Variants in SPTLC2 observed in about 807,000 individuals in gnomAD.
The protein encoded by SPTLC2 is serine palmitoyltransferase 2.
Under a neutral mutation model 62.0 loss-of-function variants are expected in SPTLC2, and 21 were observed. The observed-to-expected ratio is 0.34, with a 90% CI of 0.24 to 0.49. The LOEUF (loss-of-function observed/expected upper bound fraction) is 0.49. SPTLC2 is among the 20% of genes least tolerant of loss of function. The pLI is 0.99. For missense variants in SPTLC2, 511 were observed against 713.0 expected (o/e 0.72, Z 3.23); for synonymous variants, 261 against 261.8 (o/e 1.00, Z 0.03).
At chr14:77,524,289 A>C (rs764542793) in intron 9 of SPTLC2, among the ~76,000 whole-genome samples, 26 of 152,166 alleles carry the variant, frequency 1.7e-4, no homozygotes, top group Non-Finnish European at 2.6e-4. Context: ...AAAGGGGCAG[A>C]AGGGAACTTC....
intron 11 of SPTLC2, among the ~76,000 whole-genome samples, chr14:77,513,682 G>T (rs2079344457): frequency 6.6e-6 from 1 of 151,950 alleles, no homozygotes; most frequent in Non-Finnish European, 1.5e-5. Flanking sequence ...GATCACCTGA[G>T]GTCGGGAGTT....
At chr14:77,573,616 C>T (rs60778316) in intron 4 of SPTLC2, among the ~76,000 whole-genome samples, 8,586 of 152,120 alleles carry the variant, frequency 0.056, 257 homozygotes, top group Middle Eastern at 0.12. Context: ...AGAAGGAATA[C>T]AGAAGACAAT....
intron 5 of SPTLC2, among the ~76,000 whole-genome samples, chr14:77,565,550 G>A (rs1232082485): frequency 3.9e-5 from 6 of 152,206 alleles, no homozygotes; most frequent in African/African-American, 1.4e-4. Flanking sequence ...TCTCAATAAC[G>A]CACGGACTCA....
intron 1 of SPTLC2, among the ~76,000 whole-genome samples, chr14:77,600,658 TCAC>T (rs1202964269): frequency 6.6e-6 from 1 of 152,206 alleles, no homozygotes; most frequent in East Asian, 1.9e-4. Flanking sequence ...CACAGTCTGT[TCAC>T]ATTAAGCAAA....
chr14:77,514,854 T>C (rs1008737159), intron 11 of SPTLC2, among the ~76,000 whole-genome samples: 8 of 152,216 alleles, frequency 5.3e-5, no homozygotes, highest in African/African-American at 1.7e-4. Context: ...TCTGACCCTA[T>C]GATTTGCCTG....
At chr14:77,522,161 CTTTT>C (rs1463661313) in intron 9 of SPTLC2, among the ~76,000 whole-genome samples, 1 of 151,822 alleles carries the variant, frequency 6.6e-6, no homozygotes, top group Non-Finnish European at 1.5e-5. Context: ...TTCTTTTTTT[CTTTT>C]TCTTTCTTTT....
chr14:77,564,219 G>A (rs2140028051), intron 5 of SPTLC2, among the ~76,000 whole-genome samples: 1 of 133,928 alleles, frequency 7.5e-6, no homozygotes, highest in African/African-American at 2.8e-5. Context: ...GCAACAGAGG[G>A]AGACTCTGTC....
chr14:77,532,833 C>CT (rs2079448203), intron 9 of SPTLC2, among the ~76,000 whole-genome samples: 1 of 151,648 alleles, frequency 6.6e-6, no homozygotes, highest in Non-Finnish European at 1.5e-5. Flanking sequence ...AATAAAAAAT[C>CT]TGATTCTGAC....
At chr14:77,586,264 C>T (rs939772790) in intron 2 of SPTLC2, among the ~76,000 whole-genome samples, 15 of 151,960 alleles carry the variant, frequency 9.9e-5, no homozygotes, top group Non-Finnish European at 1.9e-4. Flanking sequence ...TCAGTAGAGA[C>T]GGGGTTTCAC....
At chr14:77,615,981 T>C (rs929204134) in intron 1 of SPTLC2, among the ~76,000 whole-genome samples, 1 of 152,200 alleles carries the variant, frequency 6.6e-6, no homozygotes, top group Non-Finnish European at 1.5e-5. Context: ...TGTTTCCATC[T>C]GACACCACCG....
At chr14:77,576,150 T>A (rs531205834) in intron 4 of SPTLC2, among the ~76,000 whole-genome samples, 1 of 152,340 alleles carries the variant, frequency 6.6e-6, no homozygotes, top group South Asian at 2.1e-4. Context: ...GTAATAAGTA[T>A]TTGGAAAGTT....
intron 6 of SPTLC2, among the ~76,000 whole-genome samples, chr14:77,558,692 G>A (rs1452498760): frequency 2.0e-5 from 3 of 148,198 alleles, no homozygotes; most frequent in Non-Finnish European, 4.4e-5. Context: ...CGTGATCTCT[G>A]CTCACTGAAA....
At chr14:77,516,953 G>A (rs116730908) in intron 11 of SPTLC2, among the ~76,000 whole-genome samples, 2,583 of 152,322 alleles carry the variant, frequency 0.017, 67 homozygotes, top group African/African-American at 0.059. Flanking sequence ...ATGTTCTTTA[G>A]GATTAGTAGC....
intron 1 of SPTLC2, among the ~76,000 whole-genome samples, chr14:77,605,029 G>A (rs1025296305): frequency 2.0e-5 from 3 of 152,092 alleles, no homozygotes; most frequent in Non-Finnish European, 2.9e-5. Flanking sequence ...ATTTTAAAGA[G>A]ACAGGGTCTC....
intron 2 of SPTLC2, among the ~76,000 whole-genome samples, chr14:77,592,010 CG>C (rs1386740602): frequency 6.6e-6 from 1 of 151,942 alleles, no homozygotes; most frequent in Non-Finnish European, 1.5e-5. Flanking sequence ...AGACGTGAGC[CG>C]CCGTGCCCAG....
chr14:77,531,403 T>C (rs1055379639), intron 9 of SPTLC2, among the ~76,000 whole-genome samples: 2 of 149,652 alleles, frequency 1.3e-5, no homozygotes, highest in African/African-American at 5.0e-5. Context: ...AAGTTATTTC[T>C]TCACAGGGAC....
chr14:77,518,801 T>G lies in SPTLC2; in HGVS notation c.1440-634A>C, dbSNP rs531901251. Among the ~76,000 whole-genome samples the G allele has an allele frequency of 2.6e-5, 4 of 152,264 alleles. No individual in the cohort carries two copies. In the South Asian group the frequency reaches 6.2e-4, roughly 24 times the overall value. ...AGCAGAATGGCTGACTGGCATGAGC[T>G]CTCCAGATCACACGTTTCTTTAATT... is the stretch of plus-strand genomic sequence containing the variant. On this transcript the variant is annotated intron_variant, in intron 10 of 11. Coordinates refer to ENST00000216484, the MANE Select transcript of SPTLC2 (RefSeq NM_004863.4).
At chr14:77,565,250 A>T (rs1484849562) in intron 5 of SPTLC2, among the ~76,000 whole-genome samples, 1 of 149,112 alleles carries the variant, frequency 6.7e-6, no homozygotes, top group East Asian at 1.9e-4. Context: ...CTCAAAAAAA[A>T]AAAAAAAAAA....
At chr14:77,512,985 G>A (rs1390120302) in intron 11 of SPTLC2, among the ~76,000 whole-genome samples, 1 of 139,894 alleles carries the variant, frequency 7.1e-6, no homozygotes, top group Non-Finnish European at 1.5e-5. Context: ...AAAGTGTTGG[G>A]ATTATAGGCG....
Sources: gnomAD v4.1 joint callset for allele counts (sites outside exome capture counted in the v4.1 genomes callset) on GRCh38, gnomAD v4.1.1 for gene constraint, MANE v1.5 for transcripts, NCBI Gene and HGNC (gene_info 2026-07-23, HGNC 2026-07-21) for gene names.